The following SUPT3H variants were observed in gnomAD, a reference collection of about 807,000 sequenced individuals.
SUPT3H encodes the protein SPT3 homolog, SAGA and STAGA complex component.
SUPT3H carries 44 observed loss-of-function variants against 44.3 expected under a neutral mutation model. That is an observed-to-expected ratio of 0.99 (90% CI 0.78 to 1.28). SUPT3H has a LOEUF of 1.28. Ranked by LOEUF, SUPT3H falls within the 50% of genes most tolerant of loss-of-function variation. The probability of loss-of-function intolerance (pLI) is 0.00; values close to 1 mark genes in which losing one functional copy is unlikely to be tolerated. For synonymous variants in SUPT3H, 124 were observed against 125.6 expected (o/e 0.99, Z 0.09); for missense variants, 380 against 387.1 (o/e 0.98, Z 0.15).
chr6:45,052,322 G>A (rs1790431739), intron 3 of SUPT3H, among the ~76,000 whole-genome samples: 1 of 152,146 alleles, frequency 6.6e-6, no homozygotes. Context: ...TATTCATTCT[G>A]AAATTTAAAT....
intron 3 of SUPT3H, among the ~76,000 whole-genome samples, chr6:45,044,374 G>A (rs889207904): frequency 2.6e-5 from 4 of 152,058 alleles, no homozygotes; most frequent in Non-Finnish European, 5.9e-5. Context: ...ATATCCTCGG[G>A]GAAACCCCTA....
chr6:45,330,808 G>C (rs1787324238), intron 2 of SUPT3H, among the ~76,000 whole-genome samples: 1 of 151,650 alleles, frequency 6.6e-6, no homozygotes, highest in African/African-American at 2.4e-5. Context: ...ACAGTATCTT[G>C]AAGCCTGAAT....
intron 2 of SUPT3H, among the ~76,000 whole-genome samples, chr6:45,265,213 C>T (rs1009194658): frequency 3.9e-5 from 6 of 152,062 alleles, no homozygotes; most frequent in Non-Finnish European, 8.8e-5. Flanking sequence ...TTAAATGATC[C>T]TCAATTTTAA....
At chr6:44,993,549 T>C (rs986035988) in intron 6 of SUPT3H, among the ~76,000 whole-genome samples, 1 of 152,158 alleles carries the variant, frequency 6.6e-6, no homozygotes, top group Non-Finnish European at 1.5e-5. Flanking sequence ...ATGGGTAAAA[T>C]GTAATTTGAT....
chr6:45,356,386 C>G (rs1347322435), intron 2 of SUPT3H, among the ~76,000 whole-genome samples: 2 of 151,668 alleles, frequency 1.3e-5, no homozygotes, highest in African/African-American at 4.8e-5. Context: ...TGGAATATAT[C>G]AATTCTCATT....
In SUPT3H at chr6:44,980,184, C is replaced by T. The variant is rs551609866; in HGVS notation, c.505-18356G>A. Among the ~76,000 whole-genome samples the T allele has an allele frequency of 2.6e-5, 4 of 151,590 alleles. No individual in the cohort carries two copies. In the South Asian group the frequency reaches 8.4e-4, roughly 32 times the overall value. On this transcript the variant is annotated intron_variant, in intron 6 of 10. Coordinates refer to ENST00000371459, the MANE Select transcript of SUPT3H (RefSeq NM_003599.4). ...TCAGAATGTCTTGGCTTCTAAAGCT[C>T]CAGCCTTGAATCTGCATAAAATAGA...
intron 6 of SUPT3H, among the ~76,000 whole-genome samples, chr6:44,971,070 C>T (rs1777506675): frequency 6.6e-6 from 1 of 152,128 alleles, no homozygotes; most frequent in African/African-American, 2.4e-5. Flanking sequence ...AGGAGCCCTG[C>T]TTGCAATCTC....
chr6:44,856,077 CTTA>C (rs1270731601), intron 10 of SUPT3H, among the ~76,000 whole-genome samples: 2 of 152,094 alleles, frequency 1.3e-5, no homozygotes, highest in African/African-American at 4.8e-5. Context: ...AGTTGAAGCA[CTTA>C]TTAATGTCAA....
intron 2 of SUPT3H, among the ~76,000 whole-genome samples, chr6:45,121,993 C>G (rs1003605611): frequency 9.3e-5 from 14 of 151,104 alleles, no homozygotes; most frequent in African/African-American, 3.4e-4. Flanking sequence ...TTCTTTAAAA[C>G]TCTGAGTAAA....
At chr6:44,961,854 T>C (rs1002409031) in intron 6 of SUPT3H, 26 bp from the exon 7 acceptor site, 1 of 1,539,124 alleles carries the variant, frequency 6.5e-7, no homozygotes, top group Non-Finnish European at 8.9e-7. Flanking sequence ...ACATAACATT[T>C]TTTAAAGCAA....
chr6:45,317,173 G>C (rs1483926284), intron 2 of SUPT3H, among the ~76,000 whole-genome samples: 1 of 130,556 alleles, frequency 7.7e-6, no homozygotes. Context: ...GTTGCAGTGA[G>C]TTGAGATCAC....
At chr6:45,349,552 G>A (rs1038538736) in intron 2 of SUPT3H, among the ~76,000 whole-genome samples, 1 of 152,154 alleles carries the variant, frequency 6.6e-6, no homozygotes, top group Non-Finnish European at 1.5e-5. Context: ...CTGGAGGTGA[G>A]ACCCAGCAGT....
At chr6:45,171,576 T>C (rs534480363) in intron 2 of SUPT3H, among the ~76,000 whole-genome samples, 1 of 152,118 alleles carries the variant, frequency 6.6e-6, no homozygotes, top group Non-Finnish European at 1.5e-5. Context: ...TGTCCCCAAA[T>C]TGAACAGTGA....
chr6:44,983,327 A>C (rs566441164), intron 6 of SUPT3H, among the ~76,000 whole-genome samples: 1 of 152,200 alleles, frequency 6.6e-6, no homozygotes, highest in East Asian at 1.9e-4. Flanking sequence ...AAGGAGATAA[A>C]GTGAGCCTTC....
intron 10 of SUPT3H, among the ~76,000 whole-genome samples, chr6:44,884,662 G>T (rs542567310): frequency 6.6e-6 from 1 of 152,128 alleles, no homozygotes. Flanking sequence ...GAACAGCTCC[G>T]GTCTACAGCT....
chr6:44,956,304 G>A (rs1775158595), intron 7 of SUPT3H, among the ~76,000 whole-genome samples: 2 of 151,248 alleles, frequency 1.3e-5, no homozygotes, highest in Middle Eastern at 3.4e-3. Context: ...CCAACATGGT[G>A]AAACCCCATC....
intron 3 of SUPT3H, among the ~76,000 whole-genome samples, chr6:45,053,376 T>C (rs931757177): frequency 2.0e-5 from 3 of 151,914 alleles, no homozygotes; most frequent in African/African-American, 7.3e-5. Context: ...GCTAACAGAA[T>C]AGCAACCAAA....
At chr6:45,066,197 C>G (rs1232964701) in intron 3 of SUPT3H, among the ~76,000 whole-genome samples, 1 of 150,942 alleles carries the variant, frequency 6.6e-6, no homozygotes. Flanking sequence ...TAAACAGAGC[C>G]AAAGACAAAA....
chr6:45,196,479 T>C (rs1816049102), intron 2 of SUPT3H, among the ~76,000 whole-genome samples: 1 of 152,042 alleles, frequency 6.6e-6, no homozygotes, highest in South Asian at 2.1e-4. Context: ...CTCTACCAGC[T>C]GGGTGGTATT....
Sources: allele counts gnomAD v4.1 joint callset (sites outside exome capture counted in the v4.1 genomes callset), GRCh38; gene constraint gnomAD v4.1.1; transcripts MANE v1.5; gene names NCBI Gene and HGNC (gene_info 2026-07-23, HGNC 2026-07-21).